Variants in DNAH7 observed in about 807,000 individuals in gnomAD.
The protein encoded by DNAH7 is axonemal beta dynein heavy chain 7.
Under a neutral mutation model 444.6 loss-of-function variants are expected in DNAH7, and 397 were observed. That is an observed-to-expected ratio of 0.89 (90% CI 0.82 to 0.97). DNAH7 has a LOEUF of 0.97. Ranked by LOEUF, DNAH7 falls within the 50% of genes least tolerant of loss-of-function variation. The probability of loss-of-function intolerance (pLI) is 0.00; values close to 1 mark genes in which losing one functional copy is unlikely to be tolerated. For missense variants in DNAH7, 4,902 were observed against 4,800.8 expected (o/e 1.02, Z -0.62); for synonymous variants, 1,636 against 1,624.4 (o/e 1.01, Z -0.17).
At chr2:196,007,860 T>C (rs1694479128) in intron 10 of DNAH7, among the ~76,000 whole-genome samples, 1 of 152,178 alleles carries the variant, frequency 6.6e-6, no homozygotes, top group Non-Finnish European at 1.5e-5. Context: ...CAGGTATGTC[T>C]TTATTAACAG....
intron 15 of DNAH7, among the ~76,000 whole-genome samples, chr2:195,977,874 T>C (rs1325460530): frequency 6.6e-6 from 1 of 152,106 alleles, no homozygotes; most frequent in Non-Finnish European, 1.5e-5. Context: ...AGAACTTGTA[T>C]CCTAGAATAG....
At chr2:195,774,691 G>A (rs184835127) in intron 60 of DNAH7, among the ~76,000 whole-genome samples, 250 of 152,258 alleles carry the variant, frequency 1.6e-3, no homozygotes, top group African/African-American at 5.7e-3. Flanking sequence ...ACTGTAAAAT[G>A]GGAATAGTAA....
In DNAH7 at chr2:196,012,976, T is replaced by A; in HGVS notation, c.870-70A>T. 5 of 1,151,444 alleles carry A rather than the reference T, an allele frequency of 4.3e-6. No individual in the cohort carries two copies. The South Asian group carries it at 1.2e-4, about 27-fold the overall frequency. The allele number at this position is 1,151,444 out of a possible 1,614,324, so 71.3% of individuals were successfully genotyped here. A position where few individuals can be genotyped will look rare whatever the true frequency, so the allele number is the denominator to read the frequency against. ...GGTATTTAATATTTTATTAATTGGTTCCTTCTTAAAAATATCATATTCCTA... is the reference window on the plus strand; with the variant it reads ...GGTATTTAATATTTTATTAATTGGTACCTTCTTAAAAATATCATATTCCTA... On this transcript the variant is annotated intron_variant, in intron 9 of 64. Transcript: ENST00000312428.
chr2:195,991,313 G>T (rs967927498), intron 12 of DNAH7, among the ~76,000 whole-genome samples: 2 of 152,058 alleles, frequency 1.3e-5, no homozygotes, highest in African/African-American at 4.8e-5. Context: ...AACTTTCTCT[G>T]CAAGGAATCT....
chr2:195,842,501 C>A (rs1050792710), intron 47 of DNAH7, among the ~76,000 whole-genome samples: 26 of 152,028 alleles, frequency 1.7e-4, no homozygotes, highest in Non-Finnish European at 5.9e-5. Flanking sequence ...TTAGCTGATA[C>A]TTCAAAGTGA....
chr2:195,834,094 C>G, intron 48 of DNAH7, 112 bp downstream of exon 48: 4 of 1,140,406 alleles, frequency 3.5e-6, no homozygotes, highest in South Asian at 4.1e-5. Flanking sequence ...GTAGTCTCAG[C>G]TACTTGGTAG....
chr2:195,958,832 T>A (rs1160185823), intron 18 of DNAH7, among the ~76,000 whole-genome samples: 1 of 152,132 alleles, frequency 6.6e-6, no homozygotes, highest in African/African-American at 2.4e-5. Context: ...ATGGAGAGAC[T>A]AAGGCACATA....
intron 61 of DNAH7, among the ~76,000 whole-genome samples, chr2:195,762,446 T>A (rs1694389465): frequency 6.6e-6 from 1 of 152,050 alleles, no homozygotes; most frequent in South Asian, 2.1e-4. Flanking sequence ...TGAATGAATT[T>A]TTTTAAAAAA....
chr2:196,014,297 G>A lies in DNAH7; in HGVS notation c.870-1391C>T, dbSNP rs539022358. 2.0e-5 allele frequency among the ~76,000 whole-genome samples: 3 copies of A among 152,286 alleles called. No homozygotes were observed. In the East Asian group the frequency reaches 5.8e-4, roughly 29 times the overall value. Reference sequence around the variant, plus strand: ...TGCATTAGCTTCAATTTGGTTAGCAGAAGGAAATGCAAGTCTCTTTAAAAG... The same window carrying A: ...TGCATTAGCTTCAATTTGGTTAGCAAAAGGAAATGCAAGTCTCTTTAAAAG... On this transcript the variant is annotated intron_variant, in intron 9 of 64. Coordinates refer to ENST00000312428, the MANE Select transcript of DNAH7 (RefSeq NM_018897.3).
intron 46 of DNAH7, among the ~76,000 whole-genome samples, chr2:195,848,390 A>C (rs1699145120): frequency 6.6e-6 from 1 of 152,192 alleles, no homozygotes; most frequent in African/African-American, 2.4e-5. Context: ...TGCTCTTCTC[A>C]TTGCATCCAT....
At chr2:195,815,343 A>G (rs994323528) in intron 51 of DNAH7, among the ~76,000 whole-genome samples, 2 of 152,096 alleles carry the variant, frequency 1.3e-5, no homozygotes, top group Admixed American at 6.6e-5. Flanking sequence ...AGATATCTAT[A>G]TATCTATATA....
chr2:195,931,538 G>A (rs1345956263), intron 21 of DNAH7, among the ~76,000 whole-genome samples: 10 of 151,560 alleles, frequency 6.6e-5, no homozygotes, highest in Non-Finnish European at 1.5e-4. Flanking sequence ...TTTTCTTCTA[G>A]GGTTTTTATG....
chr2:195,815,782 C>CA (rs1697188302), intron 51 of DNAH7, among the ~76,000 whole-genome samples: 1 of 151,868 alleles, frequency 6.6e-6, no homozygotes, highest in Non-Finnish European at 1.5e-5. Context: ...GCAGGTGGAT[C>CA]ATGAGGTCAG....
At position 196,051,262 on chromosome 2, in the gene DNAH7, T is replaced by C. The variant is rs772436095; in HGVS notation, c.79-13A>G. 3.7e-6 allele frequency: 6 copies of C among 1,612,190 alleles called. No homozygotes were observed. In the East Asian group the frequency reaches 8.9e-5, roughly 24 times the overall value. ...TGGCTAATTTCTCCTGTGTGAAAAA[T>C]ATGAAGGGGAAAAAAGTGTTTACTC... On this transcript the variant is annotated splice_polypyrimidine_tract_variant and intron_variant, in intron 2 of 64. Coordinates refer to ENST00000312428, the MANE Select transcript of DNAH7 (RefSeq NM_018897.3).
chr2:195,976,774 A>AGAGAGAGAGAGAGAGAGAGAGG (rs1692231119), intron 15 of DNAH7, among the ~76,000 whole-genome samples: 1 of 151,134 alleles, frequency 6.6e-6, no homozygotes, highest in African/African-American at 2.4e-5. Context: ...AGAGAGAGAG[A>AGAGAGAGAGAGAGAGAGAGAGG]GAGAGAGAGA....
chr2:195,813,443 TA>T (rs1553523510), intron 51 of DNAH7, among the ~76,000 whole-genome samples: 1 of 152,216 alleles, frequency 6.6e-6, no homozygotes, highest in Non-Finnish European at 1.5e-5. Context: ...CTTTGAAATC[TA>T]AACATCAAGG....
chr2:196,008,657 T>C (rs543670868), intron 10 of DNAH7, among the ~76,000 whole-genome samples: 2 of 152,304 alleles, frequency 1.3e-5, no homozygotes, highest in South Asian at 2.1e-4. Flanking sequence ...GAAAACATTA[T>C]GCTTCCTGTA....
chr2:195,864,246 T>C lies in DNAH7; in HGVS notation c.7409A>G (p.His2470Arg). The change falls in exon 41 of 65, where the codon CAT becomes CGT. Residue 2470 changes from histidine to arginine, a missense_variant. By Grantham distance (29) the His-to-Arg change is conservative (BLOSUM62 0). Transcript: ENST00000312428. ...MFIDHCRSQL[H>R]VVLAMSPIGD... is the part of the protein sequence containing the mutation. ...AATGGGACTCATGGCAAGGACCACA[T>C]GCAGTTGGCTGCGGCAATGATCAAT... is the stretch of plus-strand genomic sequence containing the variant. 1.2e-6 allele frequency: 2 copies of C among 1,614,188 alleles called. No homozygotes were observed. The highest frequency in any genetic ancestry group is 1.1e-5 in the South Asian group (1 of 91,086).
In DNAH7 at chr2:195,858,744, T is replaced by G; in HGVS notation, c.7797A>C (p.Ser2599=). 6.2e-7 allele frequency: 1 copy of G among 1,613,916 alleles called. No homozygotes were observed. Among genetic ancestry groups the G allele is most frequent in the Non-Finnish European group, 8.5e-7 (1 of 1,179,904 alleles). The change falls in exon 43 of 65, where the codon TCA becomes TCC. Residue 2599 remains serine, a synonymous_variant. Transcript: ENST00000312428. Reference sequence around the variant, plus strand: ...CCATCTGCATTGTGGCTACTTGAGATGAAGCAGAATCCAGTTTCTCCAAAC... The same window carrying G: ...CCATCTGCATTGTGGCTACTTGAGAGGAAGCAGAATCCAGTTTCTCCAAAC... ...EVGLEKLDSA[S]SQVATMQMEL...
Sources: allele counts gnomAD v4.1 joint callset (sites outside exome capture counted in the v4.1 genomes callset), GRCh38; gene constraint gnomAD v4.1.1; transcripts MANE v1.5; gene names NCBI Gene and HGNC (gene_info 2026-07-23, HGNC 2026-07-21).